SERGEF: variants seen among roughly 807,000 people sequenced by gnomAD.
The protein encoded by SERGEF is secretion regulating guanine nucleotide exchange factor.
SERGEF carries 51 observed loss-of-function variants against 50.0 expected under a neutral mutation model. That is an observed-to-expected ratio of 1.02 (90% confidence interval 0.81 to 1.29). SERGEF has a LOEUF of 1.29. SERGEF is among the 50% of genes most tolerant of loss of function. The pLI is 0.00. For synonymous variants in SERGEF, 205 were observed against 212.4 expected, an observed-to-expected ratio of 0.97 and a Z score of 0.30; for missense variants, 521 against 557.0, an observed-to-expected ratio of 0.94 and a Z score of 0.65.
intron 8 of SERGEF, among the ~76,000 whole-genome samples, chr11:17,963,066 C>T (rs1311224314): frequency 6.6e-6 from 1 of 151,118 alleles, no homozygotes; most frequent in Non-Finnish European, 1.5e-5. Flanking sequence ...ACCGTAGTCC[C>T]AGCTACTGGG....
At chr11:17,867,973 C>A (rs564173597) in intron 10 of SERGEF, among the ~76,000 whole-genome samples, 3 of 152,268 alleles carry the variant, frequency 2.0e-5, no homozygotes, top group Admixed American at 6.5e-5. Flanking sequence ...CCCAGAAAAC[C>A]GTCTTTTCCT....
rs988667561 is a variant in SERGEF at position 17,899,178 on chromosome 11, A to C, written c.1012-20934T>G. 3.3e-5 allele frequency among the ~76,000 whole-genome samples: 5 copies of C among 152,312 alleles called. No individual in the cohort carries two copies. The South Asian group carries it at 1.0e-3, about 32-fold the overall frequency. On this transcript the variant is annotated intron_variant, in intron 9 of 10. Transcript: ENST00000265965. ...AACCTCTTTTCTTTATAATTTACCA[A>C]GTCTCAGATATTTCTTTATAGCAGT...
At chr11:17,827,907 T>C (rs1850229130) in intron 10 of SERGEF, among the ~76,000 whole-genome samples, 1 of 152,190 alleles carries the variant, frequency 6.6e-6, no homozygotes, top group African/African-American at 2.4e-5. Context: ...TAAGAAATGT[T>C]TGTGAACATT....
chr11:17,911,350 T>C (rs1381083590), intron 9 of SERGEF, among the ~76,000 whole-genome samples: 2 of 146,780 alleles, frequency 1.4e-5, no homozygotes, highest in Non-Finnish European at 3.0e-5. Flanking sequence ...ATATATAATA[T>C]ATATATTTTA....
In SERGEF at chr11:17,788,241, T is replaced by C. The variant is rs763953895; in HGVS notation, c.1221A>G (p.Ala407=). ...AGGTGACCTTGGGGTCCTGGACCAA[T>C]GCAGGGTGAGCTGGCAGCTGGCAGA... is the stretch of plus-strand genomic sequence containing the variant. ...LALCQLPAHP[A]LVQDPKVTYL... is the part of the protein sequence containing the mutation. Residue 407 remains alanine, a synonymous_variant, in exon 11 of 11, where the codon GCA becomes GCG. Coordinates refer to ENST00000265965, the MANE Select transcript of SERGEF (RefSeq NM_012139.4). 7 of 1,613,920 alleles carry C rather than the reference T, an allele frequency of 4.3e-6. No homozygotes were observed. The highest frequency in any genetic ancestry group is 5.9e-6 in the Non-Finnish European group (7 of 1,179,914).
intron 10 of SERGEF, among the ~76,000 whole-genome samples, chr11:17,807,987 C>A (rs1359208293): frequency 6.6e-6 from 1 of 152,214 alleles, no homozygotes; most frequent in African/African-American, 2.4e-5. Context: ...CCTTTGATAG[C>A]CCTGCTGACC....
chr11:17,810,960 A>G (rs1316964020), intron 10 of SERGEF, among the ~76,000 whole-genome samples: 4 of 152,204 alleles, frequency 2.6e-5, no homozygotes, highest in Admixed American at 2.6e-4. Flanking sequence ...TGCATCCAGT[A>G]TCAGTGTTCT....
intron 8 of SERGEF, among the ~76,000 whole-genome samples, chr11:17,977,544 C>T (rs2133986446): frequency 6.6e-6 from 1 of 152,294 alleles, no homozygotes; most frequent in East Asian, 1.9e-4. Context: ...CCATAACTCC[C>T]CCAGAAGCTT....
chr11:17,942,171 G>T (rs1748849036), intron 9 of SERGEF, among the ~76,000 whole-genome samples: 1 of 152,056 alleles, frequency 6.6e-6, no homozygotes. Context: ...TTTTGATTGG[G>T]GTTGCTTTAA....
chr11:17,981,232 C>A (rs1177944898), intron 8 of SERGEF, among the ~76,000 whole-genome samples: 1 of 152,228 alleles, frequency 6.6e-6, no homozygotes, highest in African/African-American at 2.4e-5. Context: ...ATTTTATATT[C>A]CCCTGTATTC....
At chr11:17,943,965 T>C (rs887436601) in intron 9 of SERGEF, among the ~76,000 whole-genome samples, 1 of 152,212 alleles carries the variant, frequency 6.6e-6, no homozygotes, top group Non-Finnish European at 1.5e-5. Flanking sequence ...TCTGGCTCTG[T>C]TGCCCAGGCT....
chr11:18,006,546 C>T, intron 3 of SERGEF, 45 bp downstream of exon 3: 1 of 1,582,804 alleles, frequency 6.3e-7, no homozygotes, highest in South Asian at 1.1e-5. Context: ...CTGTTCTCAC[C>T]CAAAGCCTTT....
chr11:17,959,971 C>T (rs1852964343), intron 8 of SERGEF, among the ~76,000 whole-genome samples: 1 of 152,106 alleles, frequency 6.6e-6, no homozygotes, highest in Non-Finnish European at 1.5e-5. Context: ...CCTTCCATTC[C>T]CTCCCTTCCC....
chr11:17,863,063 C>T (rs1246249607), intron 10 of SERGEF, among the ~76,000 whole-genome samples: 1 of 152,222 alleles, frequency 6.6e-6, no homozygotes, highest in Non-Finnish European at 1.5e-5. Context: ...GCGGCAAGTG[C>T]AGACCTTGCA....
intron 10 of SERGEF, among the ~76,000 whole-genome samples, chr11:17,837,659 C>CTT (rs1181213006): frequency 4.5e-5 from 6 of 133,580 alleles, no homozygotes; most frequent in East Asian, 2.1e-4. Flanking sequence ...AAACCTCTTT[C>CTT]TTTTTTTTTT....
At chr11:17,845,756 A>C (rs1850595940) in intron 10 of SERGEF, among the ~76,000 whole-genome samples, 2 of 152,232 alleles carry the variant, frequency 1.3e-5, no homozygotes, top group Non-Finnish European at 2.9e-5. Flanking sequence ...AAAGAGATTG[A>C]CCAATACAAT....
At position 17,873,916 on chromosome 11, in the gene SERGEF, G is replaced by T. The variant is rs1851196603; in HGVS notation, c.1048+4292C>A. ...TTGCCAATTCAAGCCAAAATAAGCTGCTCCTGGTGGAAGCACAACAGCTGG... is the reference window on the plus strand; with the variant it reads ...TTGCCAATTCAAGCCAAAATAAGCTTCTCCTGGTGGAAGCACAACAGCTGG... On this transcript the variant is annotated intron_variant, in intron 10 of 10. Transcript: ENST00000265965. 1.3e-5 allele frequency among the ~76,000 whole-genome samples: 2 copies of T among 152,204 alleles called. 1 individual carries two copies. The highest frequency in any genetic ancestry group is 4.1e-4 in the South Asian group (2 of 4,826).
At chr11:17,980,111 A>C (rs1242856709) in intron 8 of SERGEF, among the ~76,000 whole-genome samples, 2 of 152,230 alleles carry the variant, frequency 1.3e-5, no homozygotes, top group Non-Finnish European at 1.5e-5. Context: ...AGGCTCAAGA[A>C]GCCAAAGAGG....
chr11:17,960,641 T>C (rs1031638488), intron 8 of SERGEF, among the ~76,000 whole-genome samples: 9 of 152,234 alleles, frequency 5.9e-5, no homozygotes, highest in African/African-American at 2.2e-4. Context: ...GTATCAAAGC[T>C]TCATCTGGCC....
Sources: gnomAD v4.1 joint callset for allele counts (sites outside exome capture counted in the v4.1 genomes callset) on GRCh38, gnomAD v4.1.1 for gene constraint, MANE v1.5 for transcripts, NCBI Gene and HGNC (gene_info 2026-07-23, HGNC 2026-07-21) for gene names.